Variants in FHL1 observed in about 807,000 individuals in gnomAD.
FHL1 encodes the protein four and a half LIM domains 1, also known as four and a half LIM domains protein 1.
FHL1 carries 1 observed loss-of-function variant against 20.3 expected under a neutral mutation model. That is an observed-to-expected ratio of 0.05 (90% CI 0.02 to 0.23). FHL1 has a LOEUF of 0.23. Among genes scored for constraint, FHL1 ranks in the 10% least tolerant of loss-of-function variants. The probability of loss-of-function intolerance (pLI) is 1.00; values close to 1 mark genes in which losing one functional copy is unlikely to be tolerated. For missense variants in FHL1, 177 were observed against 234.0 expected (o/e 0.76, Z 1.59); for synonymous variants, 82 against 88.9 (o/e 0.92, Z 0.44).
intron 1 of FHL1, among the ~76,000 whole-genome samples, chrX:136,152,760 C>CGTA (rs1158427032): frequency 2.8e-5 from 3 of 106,230 alleles, no homozygotes; most frequent in Non-Finnish European, 5.8e-5. Flanking sequence ...AGAGGTAACA[C>CGTA]GTAGTAGACG....
intron 2 of FHL1, among the ~76,000 whole-genome samples, chrX:136,182,424 T>G (rs1300601797): frequency 1.8e-5 from 2 of 112,372 alleles, no homozygotes; most frequent in Non-Finnish European, 3.8e-5. Context: ...AAAACACTCT[T>G]GTTACAATTT....
intron 1 of FHL1, among the ~76,000 whole-genome samples, chrX:136,200,104 A>G (rs1281196733): frequency 2.7e-5 from 3 of 112,314 alleles, no homozygotes; most frequent in Admixed American, 9.4e-5. Context: ...TTTCTGAAAA[A>G]GGAAGCTTGT....
chrX:136,193,142 C>A (rs2073473139), upstream of FHL1, among the ~76,000 whole-genome samples: 1 of 109,432 alleles, frequency 9.1e-6, no homozygotes, highest in Admixed American at 9.7e-5. Flanking sequence ...GACTCCATTA[C>A]AGTTTGTTAT....
At chrX:136,165,780 GTGA>G (rs1219622191), upstream of FHL1, among the ~76,000 whole-genome samples, 11 of 112,333 alleles carry the variant, frequency 9.8e-5, no homozygotes, top group Admixed American at 4.7e-4. Context: ...GTTGTCAGTA[GTGA>G]TAAGGGTCAG....
chrX:136,189,674 T>A (rs2148338938), intron 2 of FHL1, among the ~76,000 whole-genome samples: 1 of 111,984 alleles, frequency 8.9e-6, no homozygotes, highest in Non-Finnish European at 1.9e-5. Flanking sequence ...GGTACTATTA[T>A]CATCCCCATT....
chrX:136,171,769 T>C (rs2072874363), intron 2 of FHL1, among the ~76,000 whole-genome samples: 1 of 112,636 alleles, frequency 8.9e-6, no homozygotes. Context: ...CATCTTTACA[T>C]TGACCAAAAC....
intron 1 of FHL1, among the ~76,000 whole-genome samples, chrX:136,154,086 AG>A: frequency 8.9e-6 from 1 of 112,239 alleles, no homozygotes; most frequent in East Asian, 2.8e-4. Flanking sequence ...TGAGGCTCAA[AG>A]GGGTCAAGCA....
intron 1 of FHL1, among the ~76,000 whole-genome samples, chrX:136,200,276 G>A (rs762988834): frequency 8.9e-6 from 1 of 112,231 alleles, no homozygotes; most frequent in South Asian, 3.7e-4. Flanking sequence ...ATTTAATAAT[G>A]ATGCTTTCTG....
intron 1 of FHL1, among the ~76,000 whole-genome samples, chrX:136,161,357 T>A (rs935936594): frequency 5.4e-5 from 6 of 111,936 alleles, no homozygotes; most frequent in Non-Finnish European, 1.1e-4. Context: ...ATGAAAATAA[T>A]TGGCTTAAGT....
intron 2 of FHL1, among the ~76,000 whole-genome samples, chrX:136,171,646 C>T (rs987256768): frequency 2.7e-5 from 3 of 112,211 alleles, no homozygotes; most frequent in African/African-American, 6.5e-5. Flanking sequence ...CAGCAGAAAA[C>T]TTTGATAGAA....
chrX:136,180,076 AT>A (rs1302858932), intron 2 of FHL1, among the ~76,000 whole-genome samples: 1 of 111,819 alleles, frequency 8.9e-6, no homozygotes, highest in African/African-American at 3.3e-5. Context: ...ATTTGTTGAG[AT>A]CCTGACATTT....
At chrX:136,160,985 C>T (rs1457226804) in intron 1 of FHL1, among the ~76,000 whole-genome samples, 1 of 111,834 alleles carries the variant, frequency 8.9e-6, no homozygotes, top group Non-Finnish European at 1.9e-5. Context: ...TCACAATCGA[C>T]ACCAAATCCT....
chrX:136,196,756 C>T (rs779321646), upstream of FHL1: 6 of 1,113,713 alleles, frequency 5.4e-6, no homozygotes, highest in South Asian at 2.0e-5. Flanking sequence ...GTTGGCTCAG[C>T]GTTAAGCTAT....
intron 2 of FHL1, among the ~76,000 whole-genome samples, chrX:136,175,015 A>AAAATTAAAATG (rs2072965417): frequency 8.9e-6 from 1 of 112,545 alleles, no homozygotes; most frequent in South Asian, 3.6e-4. Flanking sequence ...AATTAAAATG[A>AAAATTAAAATG]AAAAGCACAC....
intron 2 of FHL1, among the ~76,000 whole-genome samples, chrX:136,178,139 A>G (rs2073053532): frequency 8.9e-6 from 1 of 111,765 alleles, no homozygotes; most frequent in Admixed American, 9.5e-5. Context: ...TGGCACTTTT[A>G]TCATCATCAT....
At chrX:136,195,232 A>C (rs1286504207), upstream of FHL1, among the ~76,000 whole-genome samples, 3 of 112,582 alleles carry the variant, frequency 2.7e-5, no homozygotes, top group African/African-American at 9.7e-5. Flanking sequence ...TTGAAACAGG[A>C]ATTGACTTCC....
chrX:136,155,268 C>G (rs1193839271), intron 1 of FHL1, among the ~76,000 whole-genome samples: 1 of 111,748 alleles, frequency 8.9e-6, no homozygotes, highest in African/African-American at 3.3e-5. Context: ...ATTACCCCAC[C>G]CTGGGCTGGG....
At chrX:136,149,298 G>A (rs1315325980) in intron 1 of FHL1, among the ~76,000 whole-genome samples, 8 of 112,211 alleles carry the variant, frequency 7.1e-5, no homozygotes, top group Non-Finnish European at 1.5e-4. Flanking sequence ...TGGGATGGTA[G>A]CTTTGCCTTT....
intron 2 of FHL1, among the ~76,000 whole-genome samples, chrX:136,177,640 A>G (rs953650660): frequency 1.8e-5 from 2 of 112,320 alleles, no homozygotes; most frequent in Admixed American, 1.9e-4. Context: ...ATGATTGATT[A>G]TCAAGTATTG....
Sources: allele counts gnomAD v4.1 joint callset (sites outside exome capture counted in the v4.1 genomes callset), GRCh38; gene constraint gnomAD v4.1.1; transcripts MANE v1.5; gene names NCBI Gene and HGNC (gene_info 2026-07-23, HGNC 2026-07-21).